PER3: variants seen among roughly 807,000 people sequenced by gnomAD.
PER3 encodes the protein period circadian protein homolog 3.
A neutral mutation model predicts 127.2 loss-of-function variants in PER3; 107 were observed. The ratio of observed to expected loss-of-function variants is 0.84; its 90% confidence interval spans 0.72 to 0.99. The LOEUF is 0.99. Among genes scored for constraint, PER3 ranks in the 50% least tolerant of loss-of-function variants. The pLI is 0.00. For synonymous variants in PER3, 618 were observed against 585.8 expected (o/e 1.05, Z -0.79); for missense variants, 1,560 against 1,525.8 (o/e 1.02, Z -0.37).
At position 7,816,530 on chromosome 1, in the gene PER3, A is replaced by G. The variant is rs112550479; in HGVS notation, c.1523-2755A>G. Among the ~76,000 whole-genome samples, 1,024 of 152,370 alleles carry G rather than the reference A, an allele frequency of 6.7e-3. 7 individuals are homozygous for G. Among genetic ancestry groups the G allele is most frequent in the African/African-American group, 0.024 (1,001 of 41,590 alleles). ...AAACTCAAGAAGACAACCCAATTAGAAACATTTTTCCAAAGAAGATACATA... is the reference window on the plus strand; with the variant it reads ...AAACTCAAGAAGACAACCCAATTAGGAACATTTTTCCAAAGAAGATACATA... On this transcript the variant is annotated intron_variant, in intron 13 of 21. Coordinates refer to ENST00000377532, the MANE Select transcript of PER3 (RefSeq NM_001377275.1).
intron 11 of PER3, 144 bp downstream of exon 11, chr1:7,809,142 G>T: frequency 1.8e-6 from 1 of 564,256 alleles, no homozygotes; most frequent in Non-Finnish European, 3.1e-6. Context: ...TTCTCTTTTC[G>T]TTTTTAAATT....
chr1:7,825,420 T>C (rs1348373334), intron 16 of PER3, among the ~76,000 whole-genome samples: 1 of 152,150 alleles, frequency 6.6e-6, no homozygotes, highest in African/African-American at 2.4e-5. Context: ...GCTATGCATA[T>C]AAAATGGAAC....
chr1:7,784,362 G>C lies in PER3; in HGVS notation c.-239G>C, dbSNP rs868774028. 6.6e-6 allele frequency: 1 copy of C among 151,490 alleles called. No individual in the cohort carries two copies. The highest frequency in any genetic ancestry group is 1.5e-5 in the Non-Finnish European group (1 of 67,858). The allele number at this position is 151,490 out of a possible 1,614,324, so 9.4% of individuals were successfully genotyped here. A position where few individuals can be genotyped will look rare whatever the true frequency, so the allele number is the denominator to read the frequency against. On this transcript the variant is annotated 5_prime_UTR_variant, in exon 1 of 22. Coordinates refer to ENST00000377532, the MANE Select transcript of PER3 (RefSeq NM_001377275.1). Reference sequence around the variant, plus strand: ...GGCGAGCGGCTGTGCGCGGGGCCAAGGGCGGGGGCAGCAGGTGAGTGCGCG... The same window carrying C: ...GGCGAGCGGCTGTGCGCGGGGCCAACGGCGGGGGCAGCAGGTGAGTGCGCG...
At chr1:7,796,096 T>G (rs1038101626) in intron 6 of PER3, among the ~76,000 whole-genome samples, 1 of 152,288 alleles carries the variant, frequency 6.6e-6, no homozygotes, top group East Asian at 1.9e-4. Context: ...CTTTGACAGC[T>G]TCCATTGTTT....
At chr1:7,828,098 T>C (rs228698) in intron 18 of PER3, among the ~76,000 whole-genome samples, 146,508 of 152,332 alleles carry the variant, frequency 0.96, 70,474 homozygotes, top group East Asian at 1. Context: ...GGATTCCCTC[T>C]ACTCTTTAAA....
At chr1:7,816,016 AATTG>A (rs2097249222) in intron 13 of PER3, among the ~76,000 whole-genome samples, 5 of 145,654 alleles carry the variant, frequency 3.4e-5, no homozygotes, top group Non-Finnish European at 6.0e-5. Flanking sequence ...AAAAAAAAAA[AATTG>A]AATTGAACAA....
At chr1:7,823,053 C>T (rs2097284728) in intron 16 of PER3, among the ~76,000 whole-genome samples, 1 of 152,100 alleles carries the variant, frequency 6.6e-6, no homozygotes, top group Non-Finnish European at 1.5e-5. Context: ...AGCTGAGGGA[C>T]AGAGCAAGAC....
At chr1:7,821,607 A>C (rs1209628093) in intron 16 of PER3, among the ~76,000 whole-genome samples, 1 of 152,224 alleles carries the variant, frequency 6.6e-6, no homozygotes, top group Admixed American at 6.5e-5. Context: ...GGTATCACCC[A>C]ATATGAAAAG....
chr1:7,804,090 A>G (rs2097182403), intron 10 of PER3: 1 of 355,158 alleles, frequency 2.8e-6, no homozygotes, highest in Non-Finnish European at 5.0e-6. Context: ...TGCTTGATGT[A>G]TTATTATATT....
At chr1:7,791,986 C>T (rs1467127380) in intron 5 of PER3, among the ~76,000 whole-genome samples, 1 of 152,254 alleles carries the variant, frequency 6.6e-6, no homozygotes, top group East Asian at 1.9e-4. Context: ...GCCCTCCAAA[C>T]TGTTCCAGTG....
chr1:7,819,903 C>T (rs2097268031), intron 14 of PER3, among the ~76,000 whole-genome samples: 1 of 151,622 alleles, frequency 6.6e-6, no homozygotes, highest in Non-Finnish European at 1.5e-5. Flanking sequence ...AAAGATTGGA[C>T]ACCCATGGTA....
chr1:7,810,156 G>A (rs899335873), intron 12 of PER3, 135 bp downstream of exon 12: 21 of 974,834 alleles, frequency 2.2e-5, no homozygotes, highest in Non-Finnish European at 3.1e-5. Flanking sequence ...CATCCATTTT[G>A]GTTTGGAAAA....
In PER3 at chr1:7,788,149, T is replaced by A; in HGVS notation, c.495T>A (p.Ser165=). 1 of 1,613,992 alleles carries A rather than the reference T, an allele frequency of 6.2e-7. No homozygotes were observed. Among genetic ancestry groups the A allele is most frequent in the Non-Finnish European group, 8.5e-7 (1 of 1,179,868 alleles). The change falls in exon 5 of 22, where the codon TCT becomes TCA. Residue 165 remains serine (S), a synonymous_variant. Transcript: ENST00000377532. The stretch of plus-strand genomic sequence containing the variant: ...GTAAGAAAGATGTCCTGGCGTCTTC[T>A]CACTTTGTTGACCTGCTTGCACCTC... ...LNRKKDVLAS[S]HFVDLLAPQD...
chr1:7,842,049 T>G (rs1348942969), intron 21 of PER3, among the ~76,000 whole-genome samples: 1 of 152,180 alleles, frequency 6.6e-6, no homozygotes, highest in Non-Finnish European at 1.5e-5. Flanking sequence ...TGTAGGCCGT[T>G]GTAACACAGT....
chr1:7,837,524 TAAAA>T (rs1275267455), intron 21 of PER3, among the ~76,000 whole-genome samples: 1 of 152,288 alleles, frequency 6.6e-6, no homozygotes, highest in Non-Finnish European at 1.5e-5. Context: ...TGAAAAGAGT[TAAAA>T]AAAGATGTAA....
At position 7,788,068 on chromosome 1, in the gene PER3, A is replaced by G. The variant is rs756958718; in HGVS notation, c.414A>G (p.Ser138=). Reference sequence around the variant, plus strand: ...AGGATACCTTTGTGGCAGTATTTTCATTTCTGTCTGGAAGGTTAGTGCACA... The same window carrying G: ...AGGATACCTTTGTGGCAGTATTTTCGTTTCTGTCTGGAAGGTTAGTGCACA... The part of the protein sequence containing the change: ...KNTDTFVAVF[S]FLSGRLVHIS... The change falls in exon 5 of 22, where the codon TCA becomes TCG. Residue 138 remains serine (S), a synonymous_variant. Transcript: ENST00000377532. 6.2e-7 allele frequency: 1 copy of G among 1,613,078 alleles called. No homozygotes were observed. The highest frequency in any genetic ancestry group is 8.5e-7 in the Non-Finnish European group (1 of 1,179,088).
At chr1:7,804,134 A>G (rs2097182621) in intron 10 of PER3, among the ~76,000 whole-genome samples, 1 of 152,198 alleles carries the variant, frequency 6.6e-6, no homozygotes, top group African/African-American at 2.4e-5. Flanking sequence ...ATCACATAAC[A>G]TGGAAAAATA....
At chr1:7,820,081 G>A in intron 14 of PER3, 34 bp from the exon 15 acceptor site, 1 of 1,607,080 alleles carries the variant, frequency 6.2e-7, no homozygotes, top group Non-Finnish European at 8.5e-7. Flanking sequence ...TTAGGGAACA[G>A]GTAAGAATGT....
At chr1:7,837,699 G>A (rs1324079468) in intron 21 of PER3, among the ~76,000 whole-genome samples, 3 of 152,138 alleles carry the variant, frequency 2.0e-5, no homozygotes, top group South Asian at 4.1e-4. Context: ...TGGCAGCTGT[G>A]GTAATGGTAG....
Sources: gnomAD v4.1 joint callset for allele counts (sites outside exome capture counted in the v4.1 genomes callset) on GRCh38, gnomAD v4.1.1 for gene constraint, MANE v1.5 for transcripts, NCBI Gene and HGNC (gene_info 2026-07-23, HGNC 2026-07-21) for gene names.